Variants in NKIRAS1 observed in about 807,000 individuals in gnomAD.
NKIRAS1 encodes the protein NF-kappa-B inhibitor-interacting Ras-like protein 1.
NKIRAS1 carries 16 observed loss-of-function variants against 19.8 expected under a neutral mutation model. The observed-to-expected ratio is 0.81, with a 90% CI of 0.55 to 1.23. The LOEUF (loss-of-function observed/expected upper bound fraction) is 1.23, where lower values mean the gene tolerates loss of function less well. Ranked by LOEUF, NKIRAS1 falls within the 50% of genes most tolerant of loss-of-function variation. NKIRAS1 has a pLI of 0.00. For synonymous variants in NKIRAS1, 88 were observed against 79.0 expected (o/e 1.11, Z -0.61); for missense variants, 184 against 220.0 (o/e 0.84, Z 1.04).
At chr3:23,897,127 C>T (rs1486403482) in intron 4 of NKIRAS1, among the ~76,000 whole-genome samples, 1 of 151,738 alleles carries the variant, frequency 6.6e-6, no homozygotes, top group East Asian at 1.9e-4. Flanking sequence ...CAGGAGGTCA[C>T]TGGAGCCTGG....
chr3:23,932,233 G>A (rs1027607592), intron 1 of NKIRAS1, among the ~76,000 whole-genome samples: 2 of 152,062 alleles, frequency 1.3e-5, no homozygotes, highest in African/African-American at 4.8e-5. Context: ...AGAAAACAGG[G>A]CTCAATTAAA....
chr3:23,945,646 C>T, intron 1 of NKIRAS1: 8 of 1,148,948 alleles, frequency 7.0e-6, no homozygotes, highest in Non-Finnish European at 8.6e-6. Flanking sequence ...GCGCTCAGAG[C>T]CCGCGGGGCA....
At chr3:23,946,275 C>T (rs1705704535) in intron 1 of NKIRAS1, 2 of 985,374 alleles carry the variant, frequency 2.0e-6, no homozygotes, top group Admixed American at 6.1e-5. Flanking sequence ...GCGCGGACCC[C>T]GCGCAAACCA....
intron 1 of NKIRAS1, among the ~76,000 whole-genome samples, chr3:23,913,433 C>T (rs192906668): frequency 3.0e-4 from 45 of 152,274 alleles, no homozygotes; most frequent in African/African-American, 1.1e-3. Context: ...ATTCTAGGTT[C>T]CTGGTTGCCT....
intron 1 of NKIRAS1, among the ~76,000 whole-genome samples, chr3:23,937,302 A>C (rs1299104197): frequency 6.6e-6 from 1 of 152,056 alleles, no homozygotes; most frequent in African/African-American, 2.4e-5. Flanking sequence ...ACCTGGGAGG[A>C]GGAGAGATGG....
chr3:23,943,335 C>T (rs377182177), intron 1 of NKIRAS1, among the ~76,000 whole-genome samples: 21 of 152,256 alleles, frequency 1.4e-4, no homozygotes, highest in Admixed American at 3.3e-4. Flanking sequence ...CGGGTTCAAG[C>T]GATTCTCCTG....
upstream of NKIRAS1, chr3:23,919,755 G>T: frequency 8.3e-7 from 1 of 1,211,358 alleles, no homozygotes; most frequent in Non-Finnish European, 1.0e-6. Flanking sequence ...ATACTGTGTG[G>T]TATAACAGGC....
chr3:23,923,172 T>C (rs1272811549), intron 1 of NKIRAS1: 2 of 152,084 alleles, frequency 1.3e-5, no homozygotes, highest in African/African-American at 2.4e-5. Flanking sequence ...TTTTTTTGTT[T>C]AGTTATGTAT....
At chr3:23,910,464 GT>G (rs1316562342) in intron 3 of NKIRAS1, among the ~76,000 whole-genome samples, 1 of 152,030 alleles carries the variant, frequency 6.6e-6, no homozygotes, top group Non-Finnish European at 1.5e-5. Context: ...GGAAAGTTAT[GT>G]TTTCTTAAAT....
chr3:23,932,124 C>G (rs1165265936), intron 1 of NKIRAS1, among the ~76,000 whole-genome samples: 1 of 152,094 alleles, frequency 6.6e-6, no homozygotes, highest in Non-Finnish European at 1.5e-5. Flanking sequence ...AAACTCACAA[C>G]TAAATGGAAG....
intron 1 of NKIRAS1, among the ~76,000 whole-genome samples, chr3:23,914,442 G>C (rs1347241364): frequency 6.6e-6 from 1 of 152,120 alleles, no homozygotes; most frequent in Non-Finnish European, 1.5e-5. Flanking sequence ...CCTACACTGT[G>C]TATTTACTTA....
chr3:23,943,158 C>T (rs1018775451), intron 1 of NKIRAS1, among the ~76,000 whole-genome samples: 3 of 152,214 alleles, frequency 2.0e-5, no homozygotes, highest in African/African-American at 7.2e-5. Flanking sequence ...CCTAAAAATC[C>T]TCTGTGCTCT....
Position 23,893,081 on chromosome 3 carries a change from G to C in NKIRAS1, c.*14C>G. ...AATCACTATTCAACATACAATTGTG[G>C]AAATTACTGATTTTTAGTTCTCAGA... On this transcript the variant is annotated 3_prime_UTR_variant, in exon 5 of 5. Coordinates refer to ENST00000425478, the MANE Select transcript of NKIRAS1 (RefSeq NM_020345.4). 1.3e-6 allele frequency: 2 copies of C among 1,537,778 alleles called. No homozygotes were observed. The highest frequency in any genetic ancestry group is 2.1e-5 in the Admixed American group (1 of 46,830).
intron 1 of NKIRAS1, among the ~76,000 whole-genome samples, chr3:23,929,010 A>AG (rs942925043): frequency 3.4e-5 from 3 of 89,502 alleles, no homozygotes; most frequent in African/African-American, 6.7e-5. Flanking sequence ...AAAAAAAAAA[A>AG]AAAGAAAAGA....
chr3:23,934,560 C>A (rs4564908), intron 1 of NKIRAS1, among the ~76,000 whole-genome samples: 97,377 of 151,848 alleles, frequency 0.64, 31,411 homozygotes, highest in Middle Eastern at 0.73. Context: ...CTTTATGCTG[C>A]GATCAGCCCT....
rs142350739 is a variant in NKIRAS1 at position 23,903,939 on chromosome 3, C to T, written c.95-2890G>A. 3.9e-3 allele frequency among the ~76,000 whole-genome samples: 598 copies of T among 152,158 alleles called. 4 individuals carry two copies. The highest frequency in any genetic ancestry group is 0.013 in the African/African-American group (534 of 41,536). On this transcript the variant is annotated intron_variant, in intron 3 of 4. Coordinates refer to ENST00000425478, the MANE Select transcript of NKIRAS1 (RefSeq NM_020345.4). The stretch of plus-strand genomic sequence containing the variant: ...CAGCACTTTGGGAGGCCAAGGTGGG[C>T]GGATCACCTGAGGTCAGGAGTTCAA...
At chr3:23,938,676 A>C (rs1445135330) in intron 1 of NKIRAS1, among the ~76,000 whole-genome samples, 1 of 152,216 alleles carries the variant, frequency 6.6e-6, no homozygotes, top group Non-Finnish European at 1.5e-5. Flanking sequence ...TAAAGAGATA[A>C]GGTCCATGTC....
Position 23,907,568 on chromosome 3 carries a change from A to G in NKIRAS1, c.94+3243T>C, listed in dbSNP as rs553741210. 1.9e-3 allele frequency among the ~76,000 whole-genome samples: 283 copies of G among 152,298 alleles called. 1 individual carries two copies. The highest frequency in any genetic ancestry group is 6.4e-3 in the African/African-American group (267 of 41,560). On this transcript the variant is annotated intron_variant, in intron 3 of 4. Transcript: ENST00000425478. ...GCCATTTGCATTTTCCACTGTGTTG[A>G]TATTTGTACTGATGTTGCAAAAGCA... is the stretch of plus-strand genomic sequence containing the variant.
chr3:23,897,912 ATAG>A (rs1429171700), intron 4 of NKIRAS1, among the ~76,000 whole-genome samples: 1 of 152,254 alleles, frequency 6.6e-6, no homozygotes, highest in Non-Finnish European at 1.5e-5. Context: ...TGCCTGGCAC[ATAG>A]TAGTTGCTAA....
Sources: allele counts gnomAD v4.1 joint callset (sites outside exome capture counted in the v4.1 genomes callset), GRCh38; gene constraint gnomAD v4.1.1; transcripts MANE v1.5; gene names NCBI Gene and HGNC (gene_info 2026-07-23, HGNC 2026-07-21).